The following MTA3 variants were observed in gnomAD, a reference collection of about 807,000 sequenced individuals.
The protein encoded by MTA3 is metastasis-associated protein MTA3.
Under a neutral mutation model 83.5 loss-of-function variants are expected in MTA3, and 34 were observed. The ratio of observed to expected loss-of-function variants is 0.41; its 90% CI spans 0.31 to 0.54. MTA3 has a LOEUF of 0.54. Among genes scored for constraint, MTA3 ranks in the 20% least tolerant of loss-of-function variants. The pLI, the probability that MTA3 is intolerant of heterozygous loss-of-function variation, is 0.33. For missense variants in MTA3, 761 were observed against 726.4 expected (o/e 1.05, Z -0.55); for synonymous variants, 303 against 252.7 (o/e 1.20, Z -1.89).
chr2:42,553,163 A>C (rs188462703), intron 2 of MTA3, among the ~76,000 whole-genome samples: 2,111 of 150,686 alleles, frequency 0.014, 53 homozygotes, highest in African/African-American at 0.048. Flanking sequence ...CAGTGGCTCA[A>C]GCCTGTAATC....
chr2:42,651,159 C>T (rs1270838341), intron 6 of MTA3, among the ~76,000 whole-genome samples: 2 of 152,136 alleles, frequency 1.3e-5, no homozygotes, highest in Non-Finnish European at 2.9e-5. Flanking sequence ...TGTAAAAATA[C>T]AGTAAAAAGA....
chr2:42,509,373 C>T (rs1674793440), intron 2 of MTA3, among the ~76,000 whole-genome samples: 1 of 152,056 alleles, frequency 6.6e-6, no homozygotes, highest in South Asian at 2.1e-4. Context: ...GTCTGTCTCC[C>T]ACAAGATGCT....
intron 2 of MTA3, among the ~76,000 whole-genome samples, chr2:42,547,876 T>C (rs563952830): frequency 6.6e-6 from 1 of 151,882 alleles, no homozygotes; most frequent in African/African-American, 2.4e-5. Context: ...TTAGCTATTG[T>C]TACAGGTGCA....
At chr2:42,714,791 A>T (rs772100615) in intron 14 of MTA3, among the ~76,000 whole-genome samples, 2 of 152,200 alleles carry the variant, frequency 1.3e-5, no homozygotes, top group African/African-American at 2.4e-5. Flanking sequence ...TTAGAGGCTC[A>T]TAAGGAGCAG....
chr2:42,668,782 A>T (rs1430045474), intron 8 of MTA3, among the ~76,000 whole-genome samples: 2 of 152,214 alleles, frequency 1.3e-5, no homozygotes, highest in Non-Finnish European at 2.9e-5. Flanking sequence ...TCACTGTAAG[A>T]GTTAAAAGTG....
At chr2:42,582,772 T>C (rs1369531042) in intron 3 of MTA3, among the ~76,000 whole-genome samples, 1 of 152,224 alleles carries the variant, frequency 6.6e-6, no homozygotes, top group Non-Finnish European at 1.5e-5. Flanking sequence ...TGTAGAAAAT[T>C]AATTTATTCA....
In MTA3 at chr2:42,582,723, A is replaced by C. The variant is rs966806725; in HGVS notation, c.190+3523A>C. Among the ~76,000 whole-genome samples the C allele has an allele frequency of 3.9e-5, 6 of 152,226 alleles. No individual in the cohort carries two copies. The South Asian group carries it at 8.3e-4, about 21-fold the overall frequency. On this transcript the variant is annotated intron_variant, in intron 3 of 16. Coordinates refer to ENST00000405094, the MANE Select transcript of MTA3 (RefSeq NM_001330442.2). Reference sequence around the variant, plus strand: ...CATCTGCTGACTGGAGAGTCTCAGCATGACAGCATCTTGGTCTTGTCTATT... The same window carrying C: ...CATCTGCTGACTGGAGAGTCTCAGCCTGACAGCATCTTGGTCTTGTCTATT...
intron 6 of MTA3, among the ~76,000 whole-genome samples, chr2:42,646,633 T>A (rs1376828124): frequency 6.6e-6 from 1 of 152,176 alleles, no homozygotes; most frequent in East Asian, 1.9e-4. Flanking sequence ...ACAGTGAGCG[T>A]GGGCCCTGAG....
chr2:42,706,911 A>G (rs972316503), intron 12 of MTA3, among the ~76,000 whole-genome samples: 2 of 152,198 alleles, frequency 1.3e-5, no homozygotes. Flanking sequence ...TGATTAAAAT[A>G]AAGGAGTGCA....
intron 8 of MTA3, among the ~76,000 whole-genome samples, chr2:42,673,771 C>T (rs1203560696): frequency 6.6e-6 from 1 of 152,146 alleles, no homozygotes; most frequent in Admixed American, 6.5e-5. Context: ...CCTTTACAGC[C>T]CTGCATTATT....
chr2:42,558,178 C>G (rs1179534925), intron 2 of MTA3, among the ~76,000 whole-genome samples: 2 of 151,914 alleles, frequency 1.3e-5, no homozygotes, highest in African/African-American at 4.8e-5. Flanking sequence ...TATGGCTCTC[C>G]TCCTGATCAC....
Position 42,689,698 on chromosome 2 carries a change from G to A in MTA3, c.892-6067G>A, listed in dbSNP as rs541976002. ...TAATAGGAGTTTAGAATTTTCTCAT[G>A]TTATCCTTTTATGGTCTGTAGCATG... On this transcript the variant is annotated intron_variant, in intron 9 of 16. Coordinates refer to ENST00000405094, the MANE Select transcript of MTA3 (RefSeq NM_001330442.2). Among the ~76,000 whole-genome samples the A allele has an allele frequency of 4.0e-5, 6 of 149,808 alleles. No individual in the cohort carries two copies. In the South Asian group the frequency reaches 1.3e-3, roughly 31 times the overall value.
At chr2:42,728,616 T>C (rs910284432) in intron 16 of MTA3, among the ~76,000 whole-genome samples, 2 of 152,212 alleles carry the variant, frequency 1.3e-5, no homozygotes, top group Non-Finnish European at 2.9e-5. Context: ...TTTGCCAGCA[T>C]TCCTTATTGC....
intron 16 of MTA3, among the ~76,000 whole-genome samples, chr2:42,732,089 G>A (rs914174386): frequency 1.3e-5 from 2 of 152,188 alleles, no homozygotes; most frequent in Admixed American, 6.5e-5. Flanking sequence ...CCATTCTGGG[G>A]TGTGGAGGAC....
At chr2:42,752,065 C>T (rs1669914114) in intron 16 of MTA3, among the ~76,000 whole-genome samples, 1 of 152,162 alleles carries the variant, frequency 6.6e-6, no homozygotes, top group Admixed American at 6.5e-5. Flanking sequence ...TCTGACACTC[C>T]CAAGATTCTG....
chr2:42,666,342 T>C (rs1311047411), intron 8 of MTA3, among the ~76,000 whole-genome samples: 3 of 152,206 alleles, frequency 2.0e-5, no homozygotes, highest in Non-Finnish European at 4.4e-5. Flanking sequence ...TTATATCCTT[T>C]TAGTGGCTTT....
chr2:42,708,735 A>C (rs1666329029), intron 13 of MTA3, 139 bp from the exon 14 acceptor site: 1 of 845,746 alleles, frequency 1.2e-6, no homozygotes, highest in Non-Finnish European at 1.9e-6. Flanking sequence ...TCTCTCTTTT[A>C]GAGGTAGTGC....
chr2:42,672,846 CTTTTTTTT>C (rs70963344), intron 8 of MTA3, among the ~76,000 whole-genome samples: 5 of 114,364 alleles, frequency 4.4e-5, no homozygotes, highest in Non-Finnish European at 8.7e-5. Context: ...GTATAAAAAG[CTTTTTTTT>C]TTTTTTTTTT....
At chr2:42,639,694 A>C (rs1687529498) in intron 4 of MTA3, among the ~76,000 whole-genome samples, 1 of 152,190 alleles carries the variant, frequency 6.6e-6, no homozygotes, top group Admixed American at 6.5e-5. Flanking sequence ...TCCTGATATG[A>C]ATGTGTATTA....
Sources: gnomAD v4.1 joint callset for allele counts (sites outside exome capture counted in the v4.1 genomes callset) on GRCh38, gnomAD v4.1.1 for gene constraint, MANE v1.5 for transcripts, NCBI Gene and HGNC (gene_info 2026-07-23, HGNC 2026-07-21) for gene names.